Variants in NBEA observed in about 807,000 individuals in gnomAD.
NBEA encodes the protein neurobeachin.
Under a neutral mutation model 343.4 loss-of-function variants are expected in NBEA, and 44 were observed. The ratio of observed to expected loss-of-function variants is 0.13; its 90% confidence interval spans 0.10 to 0.16. The LOEUF (loss-of-function observed/expected upper bound fraction) is 0.16, where lower values mean the gene tolerates loss of function less well. NBEA is among the 10% of genes least tolerant of loss of function. The probability of loss-of-function intolerance (pLI) is 1.00; values close to 1 mark genes in which losing one functional copy is unlikely to be tolerated. For missense variants in NBEA, 2,555 were observed against 3,631.3 expected (o/e 0.70, Z 7.62); for synonymous variants, 1,175 against 1,238.7 (o/e 0.95, Z 1.08).
At chr13:35,545,215 A>G (rs2079011716) in intron 41 of NBEA, among the ~76,000 whole-genome samples, 1 of 152,234 alleles carries the variant, frequency 6.6e-6, no homozygotes, top group African/African-American at 2.4e-5. Context: ...CCATAAACTC[A>G]GTATTCAACT....
At chr13:35,514,284 G>T (rs1280375463) in intron 41 of NBEA, among the ~76,000 whole-genome samples, 1 of 152,170 alleles carries the variant, frequency 6.6e-6, no homozygotes, top group Admixed American at 6.5e-5. Context: ...ACAAAACAGG[G>T]TTTTGTTTTT....
At chr13:35,368,059 TC>T (rs1286372319) in intron 38 of NBEA, among the ~76,000 whole-genome samples, 2 of 151,532 alleles carry the variant, frequency 1.3e-5, no homozygotes, top group African/African-American at 2.4e-5. Flanking sequence ...TATTAATGCT[TC>T]CAGGGGCACT....
intron 1 of NBEA, among the ~76,000 whole-genome samples, chr13:35,021,438 TTTAGA>T: frequency 6.6e-6 from 1 of 152,302 alleles, no homozygotes; most frequent in East Asian, 1.9e-4. Context: ...GAGTCATAGT[TTTAGA>T]TTATTTACAT....
Position 35,063,255 on chromosome 13 carries a change from A to C in NBEA, c.1239+4392A>C, listed in dbSNP as rs116979660. Among the ~76,000 whole-genome samples the C allele has an allele frequency of 8.8e-3, 1,340 of 152,156 alleles. 15 individuals carry two copies. Among genetic ancestry groups the C allele is most frequent in the Admixed American group, 0.033 (509 of 15,228 alleles). On this transcript the variant is annotated intron_variant, in intron 8 of 58. Coordinates refer to ENST00000379939, the MANE Select transcript of NBEA (RefSeq NM_001385012.1). Reference sequence around the variant, plus strand: ...TGCTAGGGATATAACAATTAAAACCAACAAAACCCCTGCCTGTATTTTGGA... The same window carrying C: ...TGCTAGGGATATAACAATTAAAACCCACAAAACCCCTGCCTGTATTTTGGA...
chr13:35,502,621 G>A (rs1156495134), intron 41 of NBEA, among the ~76,000 whole-genome samples: 1 of 151,934 alleles, frequency 6.6e-6, no homozygotes, highest in Non-Finnish European at 1.5e-5. Flanking sequence ...GATCCTCTGG[G>A]GGTTTGTGGG....
chr13:35,054,128 T>C (rs985381620), intron 6 of NBEA, among the ~76,000 whole-genome samples: 1 of 152,126 alleles, frequency 6.6e-6, no homozygotes, highest in African/African-American at 2.4e-5. Context: ...CAGGAAATCT[T>C]TTCCTATATG....
chr13:35,330,463 A>G (rs980129797), intron 36 of NBEA, among the ~76,000 whole-genome samples: 2 of 151,922 alleles, frequency 1.3e-5, no homozygotes, highest in African/African-American at 4.8e-5. Context: ...TTCCCTTAAC[A>G]CTTAATTCCA....
intron 1 of NBEA, among the ~76,000 whole-genome samples, chr13:35,020,735 G>T (rs997946197): frequency 6.6e-6 from 1 of 152,116 alleles, no homozygotes; most frequent in Admixed American, 6.5e-5. Flanking sequence ...GGCCAGGCTG[G>T]TCTCAAACTC....
Position 35,393,718 on chromosome 13 carries a change from A to G in NBEA, c.6180-38551A>G, listed in dbSNP as rs191891099. Reference sequence around the variant, plus strand: ...ATGAAGTAGCTAAAACACTAAGACAATTAGAAATACAATTTTAGTGTATGG... The same window carrying G: ...ATGAAGTAGCTAAAACACTAAGACAGTTAGAAATACAATTTTAGTGTATGG... On this transcript the variant is annotated intron_variant, in intron 38 of 58. Transcript: ENST00000379939. Among the ~76,000 whole-genome samples, 394 of 152,280 alleles carry G rather than the reference A, an allele frequency of 2.6e-3. 3 individuals are homozygous for G. Among genetic ancestry groups the G allele is most frequent in the African/African-American group, 9.1e-3 (380 of 41,578 alleles).
chr13:35,653,526 T>C (rs745590534), intron 53 of NBEA, among the ~76,000 whole-genome samples: 2 of 152,106 alleles, frequency 1.3e-5, no homozygotes, highest in African/African-American at 2.4e-5. Context: ...AGACAGGGTT[T>C]CACCGTGTTG....
Position 34,942,898 on chromosome 13 carries a change from C to A in NBEA, c.78C>A (p.Gly26=), listed in dbSNP as rs1251677907. Residue 26 remains glycine (G), a synonymous_variant, in exon 1 of 59, where the codon GGC becomes GGA. Transcript: ENST00000379939. ...GGCTCATTGCCGTCGGGGCCGCTGG[C>A]GGAGGCGGCGGGGGCAGCGGTGGTG... ...PVGLIAVGAA[G]GGGGGSGGGG... is the part of the protein sequence containing the mutation. 3.4e-6 allele frequency: 5 copies of A among 1,461,538 alleles called. No individual in the cohort carries two copies. The South Asian group carries it at 6.7e-5, about 20-fold the overall frequency. 90.5% of individuals were successfully genotyped at this position (1,461,538 alleles called of 1,614,324 possible). A position where few individuals can be genotyped will look rare whatever the true frequency, so the allele number is the denominator to read the frequency against.
chr13:35,017,334 C>T (rs1355578783), intron 1 of NBEA, among the ~76,000 whole-genome samples: 2 of 152,136 alleles, frequency 1.3e-5, no homozygotes, highest in African/African-American at 4.8e-5. Context: ...ACTGAGAGTG[C>T]TGAGACCTAC....
At chr13:35,641,157 C>T (rs1010040044) in intron 49 of NBEA, among the ~76,000 whole-genome samples, 1 of 151,792 alleles carries the variant, frequency 6.6e-6, no homozygotes, top group African/African-American at 2.4e-5. Context: ...TTATCAGTAC[C>T]CTAAAAGATT....
intron 16 of NBEA, 121 bp from the exon 17 acceptor site, chr13:35,123,361 C>A: frequency 2.0e-6 from 1 of 507,142 alleles, no homozygotes; most frequent in Non-Finnish European, 3.2e-6. Flanking sequence ...AATTATAATC[C>A]TGAGAAGAAA....
chr13:35,417,597 G>A (rs1004163085), intron 38 of NBEA, among the ~76,000 whole-genome samples: 2 of 152,138 alleles, frequency 1.3e-5, no homozygotes, highest in South Asian at 4.1e-4. Context: ...TGTGGTCTGA[G>A]AGATAGTTTG....
At chr13:35,203,636 T>G (rs918341901) in intron 31 of NBEA, among the ~76,000 whole-genome samples, 4 of 152,306 alleles carry the variant, frequency 2.6e-5, no homozygotes, top group East Asian at 1.9e-4. Context: ...AATAAATATT[T>G]GTTGAATGAA....
At chr13:35,179,315 T>C (rs562167609) in intron 28 of NBEA, among the ~76,000 whole-genome samples, 1 of 151,544 alleles carries the variant, frequency 6.6e-6, no homozygotes, top group Non-Finnish European at 1.5e-5. Flanking sequence ...TATATTACCT[T>C]GATGTTGTTC....
intron 34 of NBEA, among the ~76,000 whole-genome samples, chr13:35,277,716 CAT>C (rs2034720168): frequency 6.8e-6 from 1 of 146,640 alleles, no homozygotes; most frequent in Non-Finnish European, 1.5e-5. Context: ...GCCAAATACA[CAT>C]ATTCTAAAGG....
At chr13:35,496,462 T>C (rs1266233843) in intron 41 of NBEA, among the ~76,000 whole-genome samples, 1 of 151,484 alleles carries the variant, frequency 6.6e-6, no homozygotes, top group East Asian at 2.0e-4. Context: ...TGGTGAGATC[T>C]TGTCTCTAAA....
Sources: allele counts gnomAD v4.1 joint callset (sites outside exome capture counted in the v4.1 genomes callset), GRCh38; gene constraint gnomAD v4.1.1; transcripts MANE v1.5; gene names NCBI Gene and HGNC (gene_info 2026-07-23, HGNC 2026-07-21).